The following AGO3 variants were observed in gnomAD, a reference collection of about 807,000 sequenced individuals.
AGO3 encodes the protein protein argonaute-3.
A neutral mutation model predicts 105.5 loss-of-function variants in AGO3; 16 were observed. That is an observed-to-expected ratio of 0.15 (90% confidence interval 0.10 to 0.23). The LOEUF is 0.23. Ranked by LOEUF, AGO3 falls within the 10% of genes least tolerant of loss-of-function variation. The pLI, the probability that AGO3 is intolerant of heterozygous loss-of-function variation, is 1.00. For synonymous variants in AGO3, 340 were observed against 367.3 expected, an observed-to-expected ratio of 0.93 and a Z score of 0.85; for missense variants, 534 against 1,088.0, an observed-to-expected ratio of 0.49 and a Z score of 7.16.
At chr1:35,998,038 C>CTTAGTGGAAT (rs1639922446) in intron 5 of AGO3, among the ~76,000 whole-genome samples, 1 of 151,954 alleles carries the variant, frequency 6.6e-6, no homozygotes, top group Admixed American at 6.6e-5. Context: ...ATTATAAAAC[C>CTTAGTGGAAT]TTAGTGGAAT....
At chr1:35,937,877 A>T (rs913309128) in intron 1 of AGO3, among the ~76,000 whole-genome samples, 14 of 152,286 alleles carry the variant, frequency 9.2e-5, no homozygotes, top group African/African-American at 3.4e-4. Context: ...GCTGTTTACT[A>T]CGTAGCTTTG....
chr1:35,973,410 C>T lies in AGO3; in HGVS notation c.557C>T (p.Pro186Leu), dbSNP rs779353364. 6.9e-6 allele frequency: 11 copies of T among 1,587,944 alleles called. No individual in the cohort carries two copies. Reference protein sequence around the residue: ...TPVGRSFFSAPEGYDHPLGGG... With the variant: ...TPVGRSFFSALEGYDHPLGGG... ...GTGGGGCGTTCATTTTTCTCCGCTC[C>T]AGAAGGATATGACCACCCTCTGGGA... Residue 186 changes from proline (P) to leucine (L), a missense_variant, in exon 5 of 19, where the codon CCA (proline) becomes CTA (leucine). Around this residue, in one of 2 missense-constraint regions of AGO3, gnomAD observed 161 missense variants for 234.0 expected, o/e 0.69. Coordinates refer to ENST00000373191, the MANE Select transcript of AGO3 (RefSeq NM_024852.4).
chr1:35,961,583 G>T (rs1219959326), intron 2 of AGO3, among the ~76,000 whole-genome samples: 1 of 152,052 alleles, frequency 6.6e-6, no homozygotes, highest in Non-Finnish European at 1.5e-5. Flanking sequence ...TCCAGACTAA[G>T]ACTTTCCTAT....
intron 1 of AGO3, among the ~76,000 whole-genome samples, chr1:35,945,213 C>CTTT (rs577859805): frequency 6.9e-6 from 1 of 145,750 alleles, no homozygotes; most frequent in Non-Finnish European, 1.5e-5. Context: ...CTTTTCTTTT[C>CTTT]TTTTTTTTTT....
At chr1:35,991,852 C>G (rs1224569014) in intron 5 of AGO3, among the ~76,000 whole-genome samples, 5 of 151,818 alleles carry the variant, frequency 3.3e-5, no homozygotes, top group Admixed American at 3.3e-4. Context: ...CCCTCAAATT[C>G]CTTTTTGTTT....
chr1:36,000,668 G>A (rs1640041027), intron 5 of AGO3, among the ~76,000 whole-genome samples: 1 of 151,888 alleles, frequency 6.6e-6, no homozygotes. Flanking sequence ...ATGTGCTTAA[G>A]AACTTAAACA....
In AGO3 at chr1:35,972,181, C is replaced by T. The variant is rs1250922056; in HGVS notation, c.470C>T (p.Thr157Ile). The T allele has an allele frequency of 6.2e-7, 1 of 1,614,010 alleles. No homozygotes were observed. The highest frequency in any genetic ancestry group is 1.3e-5 in the African/African-American group (1 of 74,924). The change falls in exon 4 of 19, where the codon ACT becomes ATT. Residue 157 changes from threonine to isoleucine, a missense_variant. Coordinates refer to ENST00000373191, the MANE Select transcript of AGO3 (RefSeq NM_024852.4). ...CTGGAATTAGACAAGCCAATCAGCA[C>T]TAACCCTGTCCATGCCGTTGATGTG... Reference protein sequence around the residue: ...EPLELDKPISTNPVHAVDVVL... With the variant: ...EPLELDKPISINPVHAVDVVL...
upstream of AGO3, chr1:35,930,730 G>T (rs956197966): frequency 6.5e-6 from 1 of 154,530 alleles, no homozygotes; most frequent in Non-Finnish European, 1.4e-5. Context: ...GAAGGAGGGT[G>T]GCCCTACCCC....
chr1:35,973,971 A>G (rs1175725418), intron 5 of AGO3, among the ~76,000 whole-genome samples: 1 of 152,198 alleles, frequency 6.6e-6, no homozygotes, highest in Non-Finnish European at 1.5e-5. Context: ...CAGAGAGAGT[A>G]GTATTATGAA....
chr1:35,971,476 T>C (rs1441844360), intron 3 of AGO3, among the ~76,000 whole-genome samples: 1 of 151,816 alleles, frequency 6.6e-6, no homozygotes, highest in Non-Finnish European at 1.5e-5. Flanking sequence ...TTTCTTTTTT[T>C]TAATATGTAG....
chr1:36,048,325 T>G lies in AGO3; in HGVS notation c.2274+4777T>G, dbSNP rs192922420. Among the ~76,000 whole-genome samples, 3 of 152,212 alleles carry G rather than the reference T, an allele frequency of 2.0e-5. No homozygotes were observed. The East Asian group carries it at 5.8e-4, about 29-fold the overall frequency. ...AATCAATCAATCAATAAGAATCCTA[T>G]TTCCAGCAAAGCTAACTTTTAGAAA... is the stretch of plus-strand genomic sequence containing the variant. On this transcript the variant is annotated intron_variant, in intron 17 of 18. Transcript: ENST00000373191.
intron 1 of AGO3, among the ~76,000 whole-genome samples, chr1:35,941,261 C>A (rs1232768171): frequency 6.6e-6 from 1 of 151,990 alleles, no homozygotes; most frequent in Non-Finnish European, 1.5e-5. Context: ...AAATGTTTTC[C>A]ACATCCACAT....
intron 5 of AGO3, among the ~76,000 whole-genome samples, chr1:35,993,007 C>G (rs539671600): frequency 3.9e-5 from 6 of 152,292 alleles, no homozygotes; most frequent in African/African-American, 1.4e-4. Context: ...GGCTGGCTTC[C>G]TCCAGAGCAG....
chr1:36,044,392 TTTTTTG>T (rs1334259051), intron 17 of AGO3, among the ~76,000 whole-genome samples: 1 of 151,928 alleles, frequency 6.6e-6, no homozygotes, highest in African/African-American at 2.4e-5. Context: ...GCTTTAGTTT[TTTTTTG>T]TTGTTGTTGT....
Position 35,945,819 on chromosome 1 carries a change from T to C in AGO3, c.147T>C (p.Tyr49=). The C allele has an allele frequency of 1.9e-6, 3 of 1,612,282 alleles. No homozygotes were observed. The highest frequency in any genetic ancestry group is 2.5e-6 in the Non-Finnish European group (3 of 1,178,622). The change falls in exon 2 of 19, where the codon TAT becomes TAC. Residue 49 remains tyrosine, a synonymous_variant. Transcript: ENST00000373191. ...VEIPKIDVYL[Y]EVDIKPDKCP... ...TCCCAAAGATTGATGTCTACCTCTA[T>C]GAGGTAGATATTAAACCAGACAAGT... is the stretch of plus-strand genomic sequence containing the variant.
intron 5 of AGO3, among the ~76,000 whole-genome samples, chr1:35,975,379 G>A (rs1646937771): frequency 6.7e-6 from 1 of 150,370 alleles, no homozygotes; most frequent in Non-Finnish European, 1.5e-5. Flanking sequence ...TTAATGAACT[G>A]TTAGTTTATA....
chr1:36,037,748 A>C (rs1253617546), intron 14 of AGO3, among the ~76,000 whole-genome samples: 1 of 152,132 alleles, frequency 6.6e-6, no homozygotes, highest in African/African-American at 2.4e-5. Flanking sequence ...TTTTCTTTAA[A>C]TGTTCAGTGG....
Position 36,002,015 on chromosome 1 carries a change from T to G in AGO3, c.659-2326T>G, listed in dbSNP as rs189362991. ...AAATGTTTTCTCGTAGTAAAAAATA[T>G]GTTAAAAAAAATTTTTTTTTGAGAC... On this transcript the variant is annotated intron_variant, in intron 5 of 18. Coordinates refer to ENST00000373191, the MANE Select transcript of AGO3 (RefSeq NM_024852.4). Among the ~76,000 whole-genome samples, 14 of 152,344 alleles carry G rather than the reference T, an allele frequency of 9.2e-5. No individual in the cohort carries two copies. In the East Asian group the frequency reaches 2.3e-3, roughly 25 times the overall value.
chr1:35,987,868 G>A (rs1288216664), intron 5 of AGO3, among the ~76,000 whole-genome samples: 1 of 151,822 alleles, frequency 6.6e-6, no homozygotes. Flanking sequence ...AGGAGTTCGA[G>A]ACCAGCCTGA....
Sources: gnomAD v4.1 joint callset for allele counts (sites outside exome capture counted in the v4.1 genomes callset) on GRCh38, gnomAD v4.1.1 for gene constraint, gnomAD v4.1.1 regional missense constraint, MANE v1.5 for transcripts, NCBI Gene and HGNC (gene_info 2026-07-23, HGNC 2026-07-21) for gene names.